Variants in HHIPL1 observed in about 807,000 individuals in gnomAD.
The protein encoded by HHIPL1 is HHIP like 1, also known as HHIP-like protein 1.
HHIPL1 carries 43 observed loss-of-function variants against 61.8 expected under a neutral mutation model. The observed-to-expected ratio is 0.70, with a 90% CI of 0.55 to 0.90. The LOEUF is 0.90. Ranked by LOEUF, HHIPL1 falls within the 40% of genes least tolerant of loss-of-function variation. HHIPL1 has a pLI of 0.00. For missense variants in HHIPL1, 1,056 were observed against 1,157.7 expected (o/e 0.91, Z 1.28); for synonymous variants, 482 against 515.8 (o/e 0.93, Z 0.89).
chr14:99,668,160 C>A lies in HHIPL1; in HGVS notation c.1649-62C>A. On this transcript the variant is annotated intron_variant, in intron 6 of 8. Coordinates refer to ENST00000330710, the MANE Select transcript of HHIPL1 (RefSeq NM_001127258.3). The surrounding 1 kb of genome is among the most constrained non-coding windows in gnomAD (Gnocchi z 4.7). ...GCCTGCAGGGAGCCGGGTGGTGAGG[C>A]GGGGCTGGCTGGGACGGTATTCCAG... is the stretch of plus-strand genomic sequence containing the variant. 1 of 1,015,182 alleles carries A rather than the reference C, an allele frequency of 9.9e-7. No individual in the cohort carries two copies. The allele number at this position is 1,015,182 out of a possible 1,614,324, so 62.9% of individuals were successfully genotyped here.
the HHIPL1 span, among the ~76,000 whole-genome samples, chr14:99,613,209 A>G: frequency 6.6e-6 from 1 of 152,198 alleles, no homozygotes; most frequent in Admixed American, 6.5e-5. Context: ...TCAAGTAACT[A>G]TAACAACGAG....
chr14:99,645,214 C>G lies in HHIPL1; in HGVS notation c.7C>G (p.Arg3Gly), dbSNP rs375990748. 366 of 1,291,068 alleles carry G rather than the reference C, an allele frequency of 2.8e-4. 3 individuals are homozygous for G. The South Asian group carries it at 7.4e-3, about 26-fold the overall frequency. 80.0% of individuals were successfully genotyped at this position (1,291,068 alleles called of 1,614,324 possible). Residue 3 changes from arginine to glycine, a missense_variant, in exon 1 of 9, where the codon CGG becomes GGG. Arg to Gly is a moderately radical substitution (Grantham distance 125). Transcript: ENST00000330710. MARARAGALLALW... is the reference protein window; with the variant it reads MAGARAGALLALW... Reference sequence around the variant, plus strand: ...TCCCCCGCGGGGCGTAGCGATGGCCCGGGCCAGGGCCGGGGCGCTGCTGGC... The same window carrying G: ...TCCCCCGCGGGGCGTAGCGATGGCCGGGGCCAGGGCCGGGGCGCTGCTGGC...
upstream of HHIPL1, among the ~76,000 whole-genome samples, chr14:99,643,689 T>C (rs1342117150): frequency 2.0e-5 from 3 of 152,220 alleles, no homozygotes; most frequent in Non-Finnish European, 4.4e-5. Context: ...AGGAAGCCGT[T>C]GCAGGCCGCA....
chr14:99,656,276 C>CAAACA (rs1301355999), intron 2 of HHIPL1, among the ~76,000 whole-genome samples: 145 of 152,246 alleles, frequency 9.5e-4, no homozygotes, highest in African/African-American at 3.4e-3. Flanking sequence ...AGAGCAGAAA[C>CAAACA]AAACAAAACA....
chr14:99,620,243 G>A, the HHIPL1 span, among the ~76,000 whole-genome samples: 1 of 152,222 alleles, frequency 6.6e-6, no homozygotes, highest in African/African-American at 2.4e-5. Flanking sequence ...AGTCAGGTCT[G>A]TCAGCAGCTT....
intron 2 of HHIPL1, among the ~76,000 whole-genome samples, chr14:99,656,783 A>C (rs2056035771): frequency 2.5e-4 from 1 of 4,048 alleles, no homozygotes; most frequent in Non-Finnish European, 2.8e-3. Flanking sequence ...TGCAAAAAGA[A>C]AAGAAAAGAA....
the HHIPL1 span, among the ~76,000 whole-genome samples, chr14:99,627,579 C>G: frequency 2.0e-3 from 307 of 152,316 alleles, 2 homozygotes; most frequent in African/African-American, 7.0e-3. This position sits in a 1 kb window ranked among gnomAD's most constrained non-coding sequence, Gnocchi z 4.4. Flanking sequence ...AGAGACAAGT[C>G]TGGGCATTGT....
chr14:99,649,866 C>T (rs1043319185), intron 1 of HHIPL1, among the ~76,000 whole-genome samples: 1 of 152,240 alleles, frequency 6.6e-6, no homozygotes, highest in African/African-American at 2.4e-5. Context: ...GGCACGTGTG[C>T]ACACAGCCCC....
chr14:99,607,031 T>TC, the HHIPL1 span, among the ~76,000 whole-genome samples: 45 of 125,460 alleles, frequency 3.6e-4, 1 homozygote, highest in African/African-American at 1.3e-3. Context: ...CTTTTTTTTT[T>TC]TTTTTTTTTT....
the HHIPL1 span, among the ~76,000 whole-genome samples, chr14:99,615,937 C>A: frequency 6.6e-6 from 1 of 152,086 alleles, no homozygotes; most frequent in Non-Finnish European, 1.5e-5. Flanking sequence ...CCAGAAAAAA[C>A]CAAGCAAGTC....
rs1050877071 is a variant in HHIPL1 at position 99,680,161 on chromosome 14, G to A, written c.*4535G>A. On this transcript the variant is annotated 3_prime_UTR_variant, in exon 9 of 9. Coordinates refer to ENST00000330710, the MANE Select transcript of HHIPL1 (RefSeq NM_001127258.3). ...ACCAAGGCCCATTCTCCCAGAGCCG[G>A]ATCCTTCTCCTTCCCTGGGATACAG... 1 of 152,200 alleles carries A rather than the reference G, an allele frequency of 6.6e-6. No individual in the cohort carries two copies. The highest frequency in any genetic ancestry group is 1.5e-5 in the Non-Finnish European group (1 of 68,066). 9.4% of individuals were successfully genotyped at this position (152,200 alleles called of 1,614,324 possible).
the HHIPL1 span, among the ~76,000 whole-genome samples, chr14:99,619,095 A>C: frequency 5.3e-5 from 8 of 151,998 alleles, no homozygotes. Context: ...TGATCTCACT[A>C]TCCCTCCCGA....
intron 2 of HHIPL1, 124 bp from the exon 3 acceptor site, chr14:99,656,876 G>A (rs368766208): frequency 6.0e-4 from 2 of 3,326 alleles, no homozygotes; most frequent in Admixed American, 2.7e-3. Flanking sequence ...AGGAAGGAAG[G>A]AAGGAAGGAA....
the HHIPL1 span, among the ~76,000 whole-genome samples, chr14:99,623,130 A>G: frequency 6.6e-6 from 1 of 152,216 alleles, no homozygotes; most frequent in African/African-American, 2.4e-5. Context: ...GCACCCTAGG[A>G]GGAAAGCCAT....
chr14:99,626,480 C>CTCCA, the HHIPL1 span, among the ~76,000 whole-genome samples: 1 of 152,168 alleles, frequency 6.6e-6, no homozygotes, highest in South Asian at 2.1e-4. Flanking sequence ...ATCCAGCTAC[C>CTCCA]TCCACTCTGG....
chr14:99,607,187 C>T, the HHIPL1 span, among the ~76,000 whole-genome samples: 1 of 151,896 alleles, frequency 6.6e-6, no homozygotes, highest in African/African-American at 2.4e-5. Flanking sequence ...CACCACCATG[C>T]CTGGCTATTT....
chr14:99,623,053 T>A, the HHIPL1 span, among the ~76,000 whole-genome samples: 2 of 152,208 alleles, frequency 1.3e-5, no homozygotes, highest in Non-Finnish European at 1.5e-5. Flanking sequence ...AAGGTGTCAC[T>A]GCAGAGACGC....
the HHIPL1 span, among the ~76,000 whole-genome samples, chr14:99,617,012 G>C: frequency 6.6e-6 from 1 of 152,176 alleles, no homozygotes; most frequent in Admixed American, 6.5e-5. Flanking sequence ...CAGGAAGGAG[G>C]ATCCTTCCTG....
Position 99,660,141 on chromosome 14 carries a change from G to A in HHIPL1, c.1376-139G>A. Reference sequence around the variant, plus strand: ...CGCTTTCCACCACGCCAGCCCTGCTGTGGGCACGCCAGCCCTGCTGTGGGC... The same window carrying A: ...CGCTTTCCACCACGCCAGCCCTGCTATGGGCACGCCAGCCCTGCTGTGGGC... On this transcript the variant is annotated intron_variant, in intron 4 of 8. Transcript: ENST00000330710. This position sits in a 1 kb window ranked among gnomAD's most constrained non-coding sequence, Gnocchi z 4.9. 1.4e-6 allele frequency: 1 copy of A among 703,256 alleles called. No individual in the cohort carries two copies. The highest frequency in any genetic ancestry group is 2.0e-6 in the Non-Finnish European group (1 of 488,892). The allele number at this position is 703,256 out of a possible 1,614,324, so 43.6% of individuals were successfully genotyped here. A position where few individuals can be genotyped will look rare whatever the true frequency, so the allele number is the denominator to read the frequency against.
Sources: gnomAD v4.1 joint callset for allele counts (sites outside exome capture counted in the v4.1 genomes callset) on GRCh38, gnomAD v4.1.1 for gene constraint, Gnocchi (gnomAD v3.1) non-coding constraint, MANE v1.5 for transcripts, NCBI Gene and HGNC (gene_info 2026-07-23, HGNC 2026-07-21) for gene names.